DPP10: variants seen among roughly 807,000 people sequenced by gnomAD.
DPP10 encodes dipeptidyl peptidase like 10, also known as inactive dipeptidyl peptidase 10.
Under a neutral mutation model 120.9 loss-of-function variants are expected in DPP10, and 33 were observed. The observed-to-expected ratio is 0.27, with a 90% CI of 0.21 to 0.37. DPP10 has a LOEUF of 0.37. Ranked by LOEUF, DPP10 falls within the 10% of genes least tolerant of loss-of-function variation. DPP10 has a pLI of 1.00. For synonymous variants in DPP10, 337 were observed against 326.1 expected, an observed-to-expected ratio of 1.03 and a Z score of -0.36; for missense variants, 816 against 942.8, an observed-to-expected ratio of 0.87 and a Z score of 1.76.
intron 3 of DPP10, among the ~76,000 whole-genome samples, chr2:115,377,848 A>G (rs1394182876): frequency 6.6e-6 from 1 of 152,180 alleles, no homozygotes; most frequent in Non-Finnish European, 1.5e-5. Context: ...GGTTTGTCAA[A>G]GATCAGATAG....
intron 1 of DPP10, among the ~76,000 whole-genome samples, chr2:115,229,007 G>A (rs2057593770): frequency 6.6e-6 from 1 of 151,982 alleles, no homozygotes; most frequent in Non-Finnish European, 1.5e-5. Context: ...GTGTACAAGG[G>A]TCCCCTTTTC....
At chr2:114,901,271 C>G (rs1693543567) in intron 1 of DPP10, among the ~76,000 whole-genome samples, 1 of 152,160 alleles carries the variant, frequency 6.6e-6, no homozygotes, top group African/African-American at 2.4e-5. Context: ...GAACTCTGCT[C>G]ACTGCAAGCT....
rs1200011587 is a variant in DPP10 at position 115,200,882 on chromosome 2, T to G, written c.61-108357T>G. The stretch of plus-strand genomic sequence containing the variant: ...TAACATATTTGCAGTTCCTGAAGAC[T>G]TCAGAGTTTTATCCCAAAGAAATAA... On this transcript the variant is annotated intron_variant, in intron 1 of 25. Transcript: ENST00000410059. Among the ~76,000 whole-genome samples, 3 of 152,172 alleles carry G rather than the reference T, an allele frequency of 2.0e-5. No homozygotes were observed. The East Asian group carries it at 5.8e-4, about 29-fold the overall frequency.
At chr2:115,419,155 A>G (rs2069706479) in intron 3 of DPP10, among the ~76,000 whole-genome samples, 1 of 152,200 alleles carries the variant, frequency 6.6e-6, no homozygotes, top group Admixed American at 6.5e-5. Flanking sequence ...ACAGCATAGT[A>G]AGTTTTGGAT....
intron 3 of DPP10, among the ~76,000 whole-genome samples, chr2:115,353,458 C>T (rs1165514117): frequency 6.6e-6 from 1 of 152,040 alleles, no homozygotes; most frequent in Non-Finnish European, 1.5e-5. Flanking sequence ...ACTTTGATCT[C>T]CTTTAGCAGA....
At chr2:115,717,211 A>C (rs1434029419) in intron 7 of DPP10, among the ~76,000 whole-genome samples, 3 of 152,148 alleles carry the variant, frequency 2.0e-5, no homozygotes, top group Non-Finnish European at 4.4e-5. Flanking sequence ...GTTGCATGTC[A>C]CTTTCCAATT....
chr2:115,086,939 T>A (rs1708757866), intron 1 of DPP10, among the ~76,000 whole-genome samples: 2 of 152,284 alleles, frequency 1.3e-5, no homozygotes, highest in Non-Finnish European at 2.9e-5. Context: ...GGCTTGACTA[T>A]TTTCGTCAAC....
intron 8 of DPP10, among the ~76,000 whole-genome samples, chr2:115,735,189 T>C (rs2149672553): frequency 1.3e-5 from 2 of 152,292 alleles, no homozygotes; most frequent in African/African-American, 4.8e-5. Context: ...AATATTCTTA[T>C]TATTCAAATT....
chr2:115,086,525 C>T (rs1005009946), intron 1 of DPP10, among the ~76,000 whole-genome samples: 13 of 150,460 alleles, frequency 8.6e-5, no homozygotes, highest in Non-Finnish European at 1.6e-4. Flanking sequence ...GGCGCCATCT[C>T]GGCTCACTGC....
rs558592535 is a variant in DPP10 at position 114,958,107 on chromosome 2, G to T, written c.61-351132G>T. Among the ~76,000 whole-genome samples, 35 of 152,168 alleles carry T rather than the reference G, an allele frequency of 2.3e-4. No individual in the cohort carries two copies. In the South Asian group the frequency reaches 6.8e-3, roughly 30 times the overall value. On this transcript the variant is annotated intron_variant, in intron 1 of 25. Coordinates refer to ENST00000410059, the MANE Select transcript of DPP10 (RefSeq NM_020868.6). The stretch of plus-strand genomic sequence containing the variant: ...AGAGAGACTCCAGGGGTGCCTCATG[G>T]TCAGAACAAATTTATAGACAAAAAA...
chr2:114,997,364 C>T (rs577375381), intron 1 of DPP10, among the ~76,000 whole-genome samples: 1 of 149,460 alleles, frequency 6.7e-6, no homozygotes, highest in Non-Finnish European at 1.5e-5. Context: ...TGGTGGCATG[C>T]ACCTGTAGTC....
chr2:115,012,737 A>G (rs79895088), intron 1 of DPP10, among the ~76,000 whole-genome samples: 5,727 of 152,236 alleles, frequency 0.038, 203 homozygotes, highest in East Asian at 0.16. Flanking sequence ...CAGAAAATCA[A>G]TTCTGGTAAC....
intron 1 of DPP10, among the ~76,000 whole-genome samples, chr2:114,488,865 T>A (rs1309512175): frequency 1.3e-5 from 2 of 152,150 alleles, no homozygotes; most frequent in Admixed American, 6.5e-5. Context: ...GGCTGATTTA[T>A]CAGATGGTAA....
At chr2:115,319,927 T>C (rs1277753520) in intron 2 of DPP10, among the ~76,000 whole-genome samples, 2 of 152,144 alleles carry the variant, frequency 1.3e-5, no homozygotes, top group African/African-American at 2.4e-5. Context: ...GGGTATTAAT[T>C]TCATTCGTAA....
intron 3 of DPP10, among the ~76,000 whole-genome samples, chr2:115,448,166 G>A (rs1279983912): frequency 6.6e-6 from 1 of 152,172 alleles, no homozygotes; most frequent in African/African-American, 2.4e-5. Flanking sequence ...TACACAGAAT[G>A]AGATGTGGCA....
At chr2:115,038,416 G>T (rs1017796339) in intron 1 of DPP10, among the ~76,000 whole-genome samples, 2 of 151,728 alleles carry the variant, frequency 1.3e-5, no homozygotes, top group African/African-American at 4.8e-5. Context: ...GACTACAGGC[G>T]CCCGCCACCA....
intron 1 of DPP10, among the ~76,000 whole-genome samples, chr2:114,535,431 T>C (rs916623224): frequency 5.3e-5 from 8 of 152,222 alleles, no homozygotes; most frequent in African/African-American, 1.9e-4. Flanking sequence ...ATTTCCTTTT[T>C]TCCCTCTAGG....
At chr2:114,982,063 T>G (rs1421630283) in intron 1 of DPP10, among the ~76,000 whole-genome samples, 4 of 152,050 alleles carry the variant, frequency 2.6e-5, no homozygotes, top group Non-Finnish European at 5.9e-5. Context: ...CCCAGCTAAT[T>G]TTTGTCTTTT....
At chr2:115,235,716 C>T (rs139903564) in intron 1 of DPP10, among the ~76,000 whole-genome samples, 1 of 152,134 alleles carries the variant, frequency 6.6e-6, no homozygotes, top group Admixed American at 6.6e-5. Context: ...TGCATGCCAA[C>T]ACACCCAGCT....
Sources: allele counts gnomAD v4.1 joint callset (sites outside exome capture counted in the v4.1 genomes callset), GRCh38; gene constraint gnomAD v4.1.1; transcripts MANE v1.5; gene names NCBI Gene and HGNC (gene_info 2026-07-23, HGNC 2026-07-21).